WNK1: variants seen among roughly 807,000 people sequenced by gnomAD.
WNK1 encodes serine/threonine-protein kinase WNK1.
WNK1 carries 38 observed loss-of-function variants against 222.8 expected under a neutral mutation model. The observed-to-expected ratio is 0.17, with a 90% CI of 0.13 to 0.22. The LOEUF is 0.22. Ranked by LOEUF, WNK1 falls within the 10% of genes least tolerant of loss-of-function variation. The pLI, the probability that WNK1 is intolerant of heterozygous loss-of-function variation, is 1.00. For missense variants in WNK1, 2,348 were observed against 2,918.4 expected (o/e 0.80, Z 4.50); for synonymous variants, 1,090 against 1,092.9 (o/e 1.00, Z 0.05).
intron 12 of WNK1, 32 bp from the exon 13 acceptor site, chr12:881,660 A>G: frequency 1.3e-6 from 2 of 1,529,800 alleles, no homozygotes; most frequent in Non-Finnish European, 1.8e-6. Flanking sequence ...ATCTATTACT[A>G]CCGAGATTTG....
chr12:757,787 C>T (rs1940354065), intron 1 of WNK1, among the ~76,000 whole-genome samples: 1 of 146,952 alleles, frequency 6.8e-6, no homozygotes, highest in Admixed American at 6.7e-5. Flanking sequence ...CCTGTAATCC[C>T]AGCACTTTGG....
chr12:895,576 A>G (rs1954668124), intron 23 of WNK1, among the ~76,000 whole-genome samples: 1 of 152,192 alleles, frequency 6.6e-6, no homozygotes, highest in Non-Finnish European at 1.5e-5. Context: ...CTCCTGCCTC[A>G]GCCTCCCAAG....
intron 25 of WNK1, among the ~76,000 whole-genome samples, chr12:899,202 T>C (rs761361445): frequency 3.3e-5 from 5 of 152,344 alleles, no homozygotes; most frequent in East Asian, 1.9e-4. Context: ...TTCACAGATA[T>C]CCAAATGTAG....
intron 1 of WNK1, among the ~76,000 whole-genome samples, chr12:780,652 A>C (rs1048253272): frequency 6.6e-6 from 1 of 152,240 alleles, no homozygotes; most frequent in Admixed American, 6.5e-5. Flanking sequence ...TTGGTTATTG[A>C]AAACCAAATA....
chr12:834,140 T>C (rs1949009486), intron 4 of WNK1, among the ~76,000 whole-genome samples: 2 of 152,160 alleles, frequency 1.3e-5, no homozygotes, highest in Non-Finnish European at 2.9e-5. Flanking sequence ...AGGATTTACA[T>C]GAATGCTGAG....
At position 897,567 on chromosome 12, in the gene WNK1, G is replaced by GTTA. The variant is rs748188970; in HGVS notation, c.6340_6342dup (p.Ile2114dup). ...CAAACTGGGCAAGGTGCCCCCTGCT[G>GTTA]TTATTATTCCCCCAGCTGCTCCCCT... On this transcript the variant is annotated inframe_insertion, in exon 25 of 28. Coordinates refer to ENST00000315939, the MANE Select transcript of WNK1 (RefSeq NM_018979.4). The GTTA allele has an allele frequency of 6.2e-7, 1 of 1,614,076 alleles. No individual in the cohort carries two copies. The highest frequency in any genetic ancestry group is 8.5e-7 in the Non-Finnish European group (1 of 1,179,936).
At chr12:856,991 C>T (rs1950841789) in intron 4 of WNK1, among the ~76,000 whole-genome samples, 170 bp from the exon 5 acceptor site, 2 of 152,120 alleles carry the variant, frequency 1.3e-5, no homozygotes, top group South Asian at 4.1e-4. Flanking sequence ...TTGTGAAGAG[C>T]TAAGTTGTCA....
At chr12:810,490 G>C (rs1294952373) in intron 1 of WNK1, among the ~76,000 whole-genome samples, 1 of 152,184 alleles carries the variant, frequency 6.6e-6, no homozygotes, top group Non-Finnish European at 1.5e-5. Flanking sequence ...TTGAGGACCA[G>C]ATAATTTTGG....
At chr12:875,042 A>G (rs1432619509) in intron 9 of WNK1, among the ~76,000 whole-genome samples, 1 of 152,236 alleles carries the variant, frequency 6.6e-6, no homozygotes, top group Non-Finnish European at 1.5e-5. Flanking sequence ...TAAAAAAATT[A>G]TACTGTGAGC....
chr12:861,597 T>C (rs1158468134), intron 7 of WNK1, among the ~76,000 whole-genome samples: 2 of 152,216 alleles, frequency 1.3e-5, no homozygotes, highest in South Asian at 4.1e-4. Context: ...GGTTTCAATT[T>C]GTAGATTTCT....
At chr12:826,992 A>G in intron 2 of WNK1, 50 bp from the exon 3 acceptor site, 1 of 1,492,442 alleles carries the variant, frequency 6.7e-7, no homozygotes, top group Non-Finnish European at 9.3e-7. Context: ...TCTTCAAAGC[A>G]ACAAACTCCT....
At chr12:868,522 T>G in intron 8 of WNK1, 1 of 1,613,986 alleles carries the variant, frequency 6.2e-7, no homozygotes, top group Non-Finnish European at 8.5e-7. Context: ...TTTCTGCACC[T>G]ATCAGTACAG....
chr12:837,598 GA>G (rs1949296030), intron 4 of WNK1, among the ~76,000 whole-genome samples: 1 of 147,152 alleles, frequency 6.8e-6, no homozygotes, highest in Non-Finnish European at 1.5e-5. Context: ...AAAAAGAAAA[GA>G]AAAGAAAAAA....
At chr12:861,953 A>C in intron 7 of WNK1, 130 bp from the exon 8 acceptor site, 1 of 996,188 alleles carries the variant, frequency 1.0e-6, no homozygotes, top group African/African-American at 1.6e-5. Context: ...TTTTTTATTT[A>C]GTTCAAATCT....
At chr12:892,020 C>G (rs1253519516) in intron 22 of WNK1, among the ~76,000 whole-genome samples, 1 of 150,308 alleles carries the variant, frequency 6.7e-6, no homozygotes, top group African/African-American at 2.4e-5. Flanking sequence ...ATTTCAGATC[C>G]CACATTATAA....
At chr12:875,475 A>G (rs1053031006) in intron 9 of WNK1, among the ~76,000 whole-genome samples, 1 of 152,210 alleles carries the variant, frequency 6.6e-6, no homozygotes, top group Non-Finnish European at 1.5e-5. Flanking sequence ...CATCAGACAG[A>G]ATATTTTTAA....
intron 2 of WNK1, among the ~76,000 whole-genome samples, chr12:826,476 A>C (rs1468304271): frequency 1.3e-5 from 2 of 152,196 alleles, no homozygotes; most frequent in African/African-American, 4.8e-5. Context: ...AGGAAACTCA[A>C]GTAGTGCTTT....
In WNK1 at chr12:884,213, A is replaced by G. The variant is rs758710971; in HGVS notation, c.3814A>G (p.Lys1272Glu). ...PVPESRLRES[K>E]VFPSEITDTV... ...GCCAGAAAGCCGATTACGAGAATCAAAAGTTTTCCCCAGTGAAATAACAGA... is the reference window on the plus strand; with the variant it reads ...GCCAGAAAGCCGATTACGAGAATCAGAAGTTTTCCCCAGTGAAATAACAGA... Residue 1272 changes from lysine to glutamate, a missense_variant, in exon 18 of 28, where the codon AAA (lysine) becomes GAA (glutamate). This residue lies in a region of WNK1 where 1,144 missense variants were observed against 1,273.6 expected (regional missense o/e 0.90). Coordinates refer to ENST00000315939, the MANE Select transcript of WNK1 (RefSeq NM_018979.4). The surrounding 1 kb of genome is among the most constrained non-coding windows in gnomAD (Gnocchi z 5.6). The G allele has an allele frequency of 1.9e-6, 3 of 1,614,082 alleles. No homozygotes were observed. Among genetic ancestry groups the G allele is most frequent in the Non-Finnish European group, 1.7e-6 (2 of 1,180,026 alleles).
chr12:793,299 ATAAAG>A (rs1273569473), intron 1 of WNK1, among the ~76,000 whole-genome samples: 1 of 152,208 alleles, frequency 6.6e-6, no homozygotes, highest in African/African-American at 2.4e-5. Context: ...GAAGAACTTT[ATAAAG>A]TAGAGTTTAC....
Sources: allele counts gnomAD v4.1 joint callset (sites outside exome capture counted in the v4.1 genomes callset), GRCh38; gene constraint gnomAD v4.1.1; regional missense constraint gnomAD v4.1.1; non-coding constraint Gnocchi (gnomAD v3.1); transcripts MANE v1.5; gene names NCBI Gene and HGNC (gene_info 2026-07-23, HGNC 2026-07-21).